Variants in EARS2 observed in about 807,000 individuals in gnomAD.
EARS2 encodes the protein nondiscriminating glutamyl-tRNA synthetase EARS2, mitochondrial.
A neutral mutation model predicts 54.1 loss-of-function variants in EARS2; 50 were observed. The ratio of observed to expected loss-of-function variants is 0.92; its 90% CI spans 0.74 to 1.17. The LOEUF is 1.17. Ranked by LOEUF, EARS2 falls within the 50% of genes most tolerant of loss-of-function variation. The probability of loss-of-function intolerance (pLI) is 0.00; values close to 1 mark genes in which losing one functional copy is unlikely to be tolerated. For synonymous variants in EARS2, 298 were observed against 281.0 expected, an observed-to-expected ratio of 1.06 and a Z score of -0.61; for missense variants, 673 against 675.0, an observed-to-expected ratio of 1.00 and a Z score of 0.03.
chr16:23,554,535 C>T (rs1296223221), intron 1 of EARS2, among the ~76,000 whole-genome samples: 1 of 152,162 alleles, frequency 6.6e-6, no homozygotes, highest in Non-Finnish European at 1.5e-5. Flanking sequence ...ATGAGCTCAT[C>T]TACATTTACA....
chr16:23,553,608 T>A (rs905989851), intron 1 of EARS2, among the ~76,000 whole-genome samples: 1 of 150,482 alleles, frequency 6.6e-6, no homozygotes, highest in Non-Finnish European at 1.5e-5. Flanking sequence ...AAAAAAAAAA[T>A]CGGTGGGGCA....
In EARS2 at chr16:23,522,006, G is replaced by A; in HGVS notation, c.*2365C>T. The A allele has an allele frequency of 5.7e-6, 2 of 351,618 alleles. No individual in the cohort carries two copies. Among genetic ancestry groups the A allele is most frequent in the South Asian group, 4.4e-5 (2 of 45,744 alleles). 21.8% of individuals were successfully genotyped at this position (351,618 alleles called of 1,614,324 possible). On this transcript the variant is annotated 3_prime_UTR_variant, in exon 9 of 9. Transcript: ENST00000449606. ...ATCTGTAACAGAAAAAAAAAATACT[G>A]CTTCTCTCATAGTGTTATAAAAAAA...
At position 23,532,653 on chromosome 16, in the gene EARS2, T is replaced by C; in HGVS notation, c.1067+4A>G. The C allele has an allele frequency of 6.2e-7, 1 of 1,611,952 alleles. No homozygotes were observed. The highest frequency in any genetic ancestry group is 8.5e-7 in the Non-Finnish European group (1 of 1,178,314). ...ACCAGGGGATCTCCATGCTCCCCAC[T>C]CACCTGTTGAATTCTGGGAGCTTCT... On this transcript the variant is annotated splice_donor_region_variant and intron_variant, in intron 5 of 8. Coordinates refer to ENST00000449606, the MANE Select transcript of EARS2 (RefSeq NM_001083614.2).
intron 2 of EARS2, among the ~76,000 whole-genome samples, chr16:23,545,613 G>A (rs1037925961): frequency 6.6e-6 from 1 of 152,088 alleles, no homozygotes; most frequent in Non-Finnish European, 1.5e-5. Context: ...CAGACTAATG[G>A]GCACCGGAGC....
intron 4 of EARS2, among the ~76,000 whole-genome samples, chr16:23,533,543 G>A (rs895519565): frequency 3.9e-5 from 6 of 152,090 alleles, no homozygotes; most frequent in Non-Finnish European, 7.4e-5. Flanking sequence ...TATATATCAA[G>A]AGCCTGAATG....
In EARS2 at chr16:23,522,928, G is replaced by A. The variant is rs6497669; in HGVS notation, c.*1443C>T. 2.0e-5 allele frequency: 3 copies of A among 152,098 alleles called. No individual in the cohort carries two copies. The highest frequency in any genetic ancestry group is 7.2e-5 in the African/African-American group (3 of 41,394). The allele number at this position is 152,098 out of a possible 1,614,324, so 9.4% of individuals were successfully genotyped here. A position where few individuals can be genotyped will look rare whatever the true frequency, so the allele number is the denominator to read the frequency against. ...CCCATGGCTATTGGTGGGAGGCCTCGATCCCTTGTCATGTGGAGCACTCCA... is the reference window on the plus strand; with the variant it reads ...CCCATGGCTATTGGTGGGAGGCCTCAATCCCTTGTCATGTGGAGCACTCCA... On this transcript the variant is annotated 3_prime_UTR_variant, in exon 9 of 9. Transcript: ENST00000449606.
chr16:23,530,885 T>C (rs972289502), intron 5 of EARS2, among the ~76,000 whole-genome samples: 6 of 146,832 alleles, frequency 4.1e-5, no homozygotes, highest in Admixed American at 1.4e-4. Flanking sequence ...CTAAAATATA[T>C]AGAAAGAGGC....
At position 23,552,179 on chromosome 16, in the gene EARS2, C is replaced by T; in HGVS notation, c.265G>A (p.Glu89Lys). 1.2e-6 allele frequency: 2 copies of T among 1,614,122 alleles called. No homozygotes were observed. Among genetic ancestry groups the T allele is most frequent in the Non-Finnish European group, 8.5e-7 (1 of 1,179,988 alleles). Residue 89 changes from glutamate to lysine, a missense_variant, in exon 2 of 9, where the codon GAG becomes AAG. By Grantham distance (56) the Glu-to-Lys change is moderately conservative. Transcript: ENST00000449606. ...DQTRVVPGAAENIEDMLEWAG... is the reference protein window; with the variant it reads ...DQTRVVPGAAKNIEDMLEWAG... The stretch of plus-strand genomic sequence containing the variant: ...CACTCCAGCATGTCCTCAATATTCT[C>T]CGCTGCCCCAGGCACAACGCGAGTC...
intron 3 of EARS2, 68 bp downstream of exon 3, chr16:23,544,446 T>C (rs552144399): frequency 4.7e-5 from 69 of 1,477,966 alleles, no homozygotes; most frequent in Non-Finnish European, 6.3e-5. Flanking sequence ...GGGGAATTTC[T>C]TACGCAGCAC....
intron 1 of EARS2, among the ~76,000 whole-genome samples, chr16:23,556,146 G>C (rs932954865): frequency 6.6e-6 from 1 of 152,204 alleles, no homozygotes; most frequent in Admixed American, 6.5e-5. Flanking sequence ...TTACTACAAA[G>C]ATCTTTGTAT....
At chr16:23,535,495 T>C (rs754914462) in intron 3 of EARS2, 135 bp from the exon 4 acceptor site, 6 of 741,792 alleles carry the variant, frequency 8.1e-6, no homozygotes, top group Non-Finnish European at 1.3e-5. Context: ...ATAACAGGGA[T>C]GATGGTACAG....
rs1965764384 is a variant in EARS2 at position 23,555,661 on chromosome 16, G to A, written c.139+1544C>T. 2.0e-5 allele frequency among the ~76,000 whole-genome samples: 3 copies of A among 152,158 alleles called. No homozygotes were observed. In the South Asian group the frequency reaches 6.2e-4, roughly 31 times the overall value. ...AAAACAGTTGTCAGTTCACAATCAA[G>A]TACAGAAACTGAGAGTAAAGGTTTA... On this transcript the variant is annotated intron_variant, in intron 1 of 8. Coordinates refer to ENST00000449606, the MANE Select transcript of EARS2 (RefSeq NM_001083614.2).
chr16:23,551,782 G>T (rs541249032), intron 2 of EARS2, among the ~76,000 whole-genome samples: 5 of 152,132 alleles, frequency 3.3e-5, no homozygotes, highest in African/African-American at 1.2e-4. Context: ...TTAGCCGGGC[G>T]TGGTGGCGGG....
chr16:23,535,701 A>T (rs1238774818), intron 3 of EARS2, among the ~76,000 whole-genome samples: 1 of 152,202 alleles, frequency 6.6e-6, no homozygotes, highest in African/African-American at 2.4e-5. Flanking sequence ...ATGTAACCCC[A>T]TCCTAGTCAC....
In EARS2 at chr16:23,529,585, G is replaced by T. The variant is rs1597009195; in HGVS notation, c.1269C>A (p.Tyr423Ter). The T allele has an allele frequency of 6.2e-7, 1 of 1,614,174 alleles. No homozygotes were observed. Among genetic ancestry groups the T allele is most frequent in the African/African-American group, 1.3e-5 (1 of 75,024 alleles). ...LQDLVSPVYS[Y>*]LWTRPAVGRA... Reference sequence around the variant, plus strand: ...GACCTACTGCAGGGCGAGTCCACAGGTAAGAGTATACTGGGGACACCAAGT... The same window carrying T: ...GACCTACTGCAGGGCGAGTCCACAGTTAAGAGTATACTGGGGACACCAAGT... The change falls in exon 7 of 9, where the codon TAC becomes TAA. Residue 423 changes from tyrosine to a stop codon, truncating the protein, a stop_gained. Transcript: ENST00000449606. LOFTEE classifies it high-confidence loss of function.
chr16:23,525,959 T>C (rs28691721), intron 7 of EARS2, among the ~76,000 whole-genome samples: 108,468 of 149,254 alleles, frequency 0.73, 40,135 homozygotes, highest in Non-Finnish European at 0.81. Context: ...GATTGCACCA[T>C]TGCACTCCAG....
chr16:23,540,975 A>G (rs917254584), intron 3 of EARS2, among the ~76,000 whole-genome samples: 1 of 152,004 alleles, frequency 6.6e-6, no homozygotes, highest in Non-Finnish European at 1.5e-5. Context: ...TGGGCAACAG[A>G]GCAAGACTCC....
chr16:23,556,756 G>T, intron 1 of EARS2: 1 of 386,040 alleles, frequency 2.6e-6, no homozygotes, highest in East Asian at 7.1e-5. Context: ...CTTCTGGAGC[G>T]TCCTTCTTAA....
At chr16:23,538,025 T>A (rs1017119868) in intron 3 of EARS2, among the ~76,000 whole-genome samples, 11 of 151,858 alleles carry the variant, frequency 7.2e-5, no homozygotes, top group African/African-American at 2.7e-4. Context: ...TCTAGCAATC[T>A]GCCCACCTTG....
Sources: allele counts gnomAD v4.1 joint callset (sites outside exome capture counted in the v4.1 genomes callset), GRCh38; gene constraint gnomAD v4.1.1; transcripts MANE v1.5; gene names NCBI Gene and HGNC (gene_info 2026-07-23, HGNC 2026-07-21).